The following SPNS2 variants were observed in gnomAD, a reference collection of about 807,000 sequenced individuals.
The protein encoded by SPNS2 is sphingosine-1-phosphate transporter SPNS2.
In SPNS2, 37 loss-of-function variants were observed where a neutral mutation model predicts 57.6. The observed-to-expected ratio is 0.64, with a 90% CI of 0.49 to 0.85. SPNS2 has a LOEUF of 0.85. Ranked by LOEUF, SPNS2 falls within the 40% of genes least tolerant of loss-of-function variation. The pLI is 0.00. For missense variants in SPNS2, 831 were observed against 779.1 expected, an observed-to-expected ratio of 1.07 and a Z score of -0.79; for synonymous variants, 440 against 346.9, an observed-to-expected ratio of 1.27 and a Z score of -2.98.
rs150963522 is a variant in SPNS2 at position 4,505,435 on chromosome 17, G to A, written c.370+6018G>A. On this transcript the variant is annotated intron_variant, in intron 1 of 12. Transcript: ENST00000329078. Reference sequence around the variant, plus strand: ...TTGTTCTGACCAGGGCTCACAATGAGCCTCAGGGCCTGAGTCTCCAGGAAG... The same window carrying A: ...TTGTTCTGACCAGGGCTCACAATGAACCTCAGGGCCTGAGTCTCCAGGAAG... Among the ~76,000 whole-genome samples the A allele has an allele frequency of 2.6e-5, 4 of 152,318 alleles. No individual in the cohort carries two copies. In the East Asian group the frequency reaches 7.7e-4, roughly 29 times the overall value.
At chr17:4,536,728 CCT>C (rs544983317) in intron 11 of SPNS2, 170 bp from the exon 12 acceptor site, 52 of 659,402 alleles carry the variant, frequency 7.9e-5, no homozygotes, top group East Asian at 1.9e-4. Flanking sequence ...CCTCTTTACT[CCT>C]CTCTCTCTCC....
chr17:4,531,317 A>C (rs1035474575), intron 5 of SPNS2, among the ~76,000 whole-genome samples, 198 bp downstream of exon 5: 1 of 152,198 alleles, frequency 6.6e-6, no homozygotes, highest in Non-Finnish European at 1.5e-5. Flanking sequence ...GAGGTGTCAG[A>C]GCCAGACACA....
intron 1 of SPNS2, among the ~76,000 whole-genome samples, chr17:4,505,976 T>G (rs1183838216): frequency 6.6e-6 from 1 of 152,188 alleles, no homozygotes; most frequent in African/African-American, 2.4e-5. Context: ...CTTTGTCAAC[T>G]GAAAAGGGCT....
intron 2 of SPNS2, among the ~76,000 whole-genome samples, chr17:4,516,653 T>G (rs923710614): frequency 2.0e-5 from 3 of 152,308 alleles, no homozygotes; most frequent in African/African-American, 7.2e-5. Flanking sequence ...CTTTGAAGGA[T>G]GAGTTAGAGT....
chr17:4,530,782 A>G lies in SPNS2; in HGVS notation c.724A>G (p.Ser242Gly). ...SVFYFAIPLG[S>G]GLGYITGSSV... ...CTTCTACTTCGCCATCCCACTGGGC[A>G]GGTGAGAGCCGGAGATGCCAGGGTC... The change falls in exon 4 of 13, where the codon AGT becomes GGT. Residue 242 changes from serine (S) to glycine (G), a missense_variant and splice_region_variant. This residue lies in a region of SPNS2 where 305 missense variants were observed against 378.3 expected (regional missense o/e 0.81). Transcript: ENST00000329078. 1 of 1,612,256 alleles carries G rather than the reference A, an allele frequency of 6.2e-7. No individual in the cohort carries two copies. Among genetic ancestry groups the G allele is most frequent in the Non-Finnish European group, 8.5e-7 (1 of 1,179,162 alleles).
Position 4,533,026 on chromosome 17 carries a change from A to T in SPNS2, c.985A>T (p.Thr329Ser). The change falls in exon 7 of 13, where the codon ACG (threonine) becomes TCG (serine). Residue 329 changes from threonine to serine, a missense_variant. Coordinates refer to ENST00000329078, the MANE Select transcript of SPNS2 (RefSeq NM_001124758.3). The part of the protein sequence containing the change: ...SLATSAVSFA[T>S]GALGMWIPLY... ...GGCCACGTCGGCTGTCTCCTTCGCC[A>T]CGGGGGCCCTGGGCATGTGGATCCC... 6.2e-7 allele frequency: 1 copy of T among 1,613,256 alleles called. No homozygotes were observed.
chr17:4,536,826 C>G (rs570837815), intron 11 of SPNS2, 74 bp from the exon 12 acceptor site: 74 of 1,280,348 alleles, frequency 5.8e-5, no homozygotes, highest in East Asian at 1.9e-4. Flanking sequence ...CCCCACGACA[C>G]GATGTGCCAG....
At chr17:4,535,893 G>C (rs1306070308) in intron 9 of SPNS2, among the ~76,000 whole-genome samples, 183 bp from the exon 10 acceptor site, 1 of 151,994 alleles carries the variant, frequency 6.6e-6, no homozygotes, top group African/African-American at 2.4e-5. Flanking sequence ...CAGCCAGGCT[G>C]GTGGGGTGGG....
chr17:4,521,176 A>G (rs958062421), intron 2 of SPNS2, among the ~76,000 whole-genome samples: 20 of 152,036 alleles, frequency 1.3e-4, no homozygotes, highest in African/African-American at 4.6e-4. Context: ...TATGAACAAG[A>G]TCTGCCCCTG....
Position 4,538,629 on chromosome 17 carries a change from G to T in SPNS2, c.*1181G>T. 2.0e-6 allele frequency: 1 copy of T among 490,330 alleles called. No individual in the cohort carries two copies. The allele number at this position is 490,330 out of a possible 1,614,324, so 30.4% of individuals were successfully genotyped here. A position where few individuals can be genotyped will look rare whatever the true frequency, so the allele number is the denominator to read the frequency against. ...TGCAATCAAGGTGGTTCTGGTGCGGGGGTGGGGTGGGGGGTGAGGCCTTGT... is the reference window on the plus strand; with the variant it reads ...TGCAATCAAGGTGGTTCTGGTGCGGTGGTGGGGTGGGGGGTGAGGCCTTGT... On this transcript the variant is annotated 3_prime_UTR_variant, in exon 13 of 13. Coordinates refer to ENST00000329078, the MANE Select transcript of SPNS2 (RefSeq NM_001124758.3).
At chr17:4,517,152 C>G (rs953926042) in intron 2 of SPNS2, among the ~76,000 whole-genome samples, 1 of 152,128 alleles carries the variant, frequency 6.6e-6, no homozygotes, top group East Asian at 1.9e-4. Flanking sequence ...AGTTCCCTTT[C>G]GAGAATGGGC....
chr17:4,522,607 T>A (rs1350510586), intron 2 of SPNS2, among the ~76,000 whole-genome samples: 3 of 152,204 alleles, frequency 2.0e-5, no homozygotes, highest in African/African-American at 7.2e-5. Context: ...TCAGGTCCCA[T>A]CTCGCCAGGG....
rs1289380474 is a variant in SPNS2, at chr17:4,499,952, G to T, written c.370+535G>T. 6.6e-6 allele frequency among the ~76,000 whole-genome samples: 1 copy of T among 152,152 alleles called. No homozygotes were observed. Among genetic ancestry groups the T allele is most frequent in the African/African-American group, 2.4e-5 (1 of 41,432 alleles). On this transcript the variant is annotated intron_variant, in intron 1 of 12. Coordinates refer to ENST00000329078, the MANE Select transcript of SPNS2 (RefSeq NM_001124758.3). The surrounding 1 kb of genome is among the most constrained non-coding windows in gnomAD (Gnocchi z 5.2). ...CGGGTGTGTGTGCGCGTGGCGGCGC[G>T]GTTGTGTGTGAGCGCGTGGCTGACA...
At chr17:4,516,316 C>CAAAAAAAAAAAAAA (rs67710825) in intron 2 of SPNS2, among the ~76,000 whole-genome samples, 9 of 67,494 alleles carry the variant, frequency 1.3e-4, no homozygotes, top group African/African-American at 6.7e-4. Context: ...TCTATCTCCC[C>CAAAAAAAAAAAAAA]AAAAAAAAAA....
At chr17:4,530,501 C>A in intron 3 of SPNS2, 131 bp from the exon 4 acceptor site, 2 of 1,090,562 alleles carry the variant, frequency 1.8e-6, no homozygotes, top group Non-Finnish European at 2.7e-6. Context: ...GGAGGTGCAG[C>A]CCACCAGCAC....
intron 11 of SPNS2, 164 bp from the exon 12 acceptor site, chr17:4,536,725 ACTCCTCTCTCT>A (rs929709481): frequency 4.6e-5 from 29 of 634,180 alleles, no homozygotes; most frequent in South Asian, 2.2e-4. Flanking sequence ...TTTCCTCTTT[ACTCCTCTCTCT>A]CTCCTCTCCC....
Position 4,532,668 on chromosome 17 carries a change from A to G in SPNS2, c.919A>G (p.Lys307Glu), listed in dbSNP as rs756446135. The G allele has an allele frequency of 2.5e-6, 4 of 1,613,740 alleles. No individual in the cohort carries two copies. The African/African-American group carries it at 5.3e-5, about 22-fold the overall frequency. The change falls in exon 6 of 13, where the codon AAG becomes GAG. Residue 307 changes from lysine to glutamate, a missense_variant. Lys to Glu is a moderately conservative substitution (Grantham distance 56, BLOSUM62 1). Coordinates refer to ENST00000329078, the MANE Select transcript of SPNS2 (RefSeq NM_001124758.3). ...CCGGACCTCATGGCTCCGAGATATG[A>G]AGGCCCTGATTCGAAAGTGAGTACC... ...KARTSWLRDMKALIRNRSYVF... is the reference protein window; with the variant it reads ...KARTSWLRDMEALIRNRSYVF...
rs1020256635 is a variant in SPNS2 at position 4,533,781 on chromosome 17, C to G, written c.1279-7C>G. 6 of 1,613,632 alleles carry G rather than the reference C, an allele frequency of 3.7e-6. No individual in the cohort carries two copies. The highest frequency in any genetic ancestry group is 1.7e-5 in the Admixed American group (1 of 60,012). On this transcript the variant is annotated splice_polypyrimidine_tract_variant and splice_region_variant and intron_variant, in intron 8 of 12. Transcript: ENST00000329078. ...CGCTGATGGTGGCTTTGCCTTCTCC[C>G]CGGCAGATCTGTATCTTCGTCGGGG... is the stretch of plus-strand genomic sequence containing the variant.
intron 2 of SPNS2, among the ~76,000 whole-genome samples, chr17:4,515,811 T>C (rs1236434991): frequency 1.3e-5 from 2 of 152,192 alleles, no homozygotes; most frequent in African/African-American, 2.4e-5. Context: ...CAGGGGCTGC[T>C]GGGCCAGGAG....
Sources: gnomAD v4.1 joint callset for allele counts (sites outside exome capture counted in the v4.1 genomes callset) on GRCh38, gnomAD v4.1.1 for gene constraint, gnomAD v4.1.1 regional missense constraint, Gnocchi (gnomAD v3.1) non-coding constraint, MANE v1.5 for transcripts, NCBI Gene and HGNC (gene_info 2026-07-23, HGNC 2026-07-21) for gene names.